The following SLC4A4 variants were observed in gnomAD, a reference collection of about 807,000 sequenced individuals.
SLC4A4 encodes the protein electrogenic sodium bicarbonate cotransporter 1.
SLC4A4 carries 27 observed loss-of-function variants against 111.5 expected under a neutral mutation model. The ratio of observed to expected loss-of-function variants is 0.24; its 90% CI spans 0.18 to 0.33. The LOEUF (loss-of-function observed/expected upper bound fraction) is 0.33. Among genes scored for constraint, SLC4A4 ranks in the 10% least tolerant of loss-of-function variants. SLC4A4 has a pLI of 1.00. For synonymous variants in SLC4A4, 443 were observed against 463.4 expected (o/e 0.96, Z 0.57); for missense variants, 909 against 1,315.5 (o/e 0.69, Z 4.78).
intron 14 of SLC4A4, among the ~76,000 whole-genome samples, chr4:71,474,863 T>A (rs759310160): frequency 3.3e-5 from 5 of 151,786 alleles, no homozygotes; most frequent in African/African-American, 4.8e-5. Context: ...ATATGTGTCA[T>A]TCAACCCATG....
chr4:71,328,973 C>A (rs1727726772), intron 3 of SLC4A4, among the ~76,000 whole-genome samples: 1 of 152,086 alleles, frequency 6.6e-6, no homozygotes, highest in Non-Finnish European at 1.5e-5. Context: ...AGTCTTTAAT[C>A]CATTTTGATT....
chr4:71,222,087 T>C (rs1321727624), intron 1 of SLC4A4, among the ~76,000 whole-genome samples: 2 of 152,202 alleles, frequency 1.3e-5, no homozygotes, highest in African/African-American at 4.8e-5. Flanking sequence ...GCTTAGACCA[T>C]CCAGTGGCTT....
intron 1 of SLC4A4, among the ~76,000 whole-genome samples, chr4:71,086,666 A>G (rs1255698995): frequency 2.0e-5 from 3 of 151,860 alleles, no homozygotes; most frequent in African/African-American, 4.8e-5. Context: ...AGATAATCGT[A>G]TGGTTTTTGT....
chr4:71,197,556 G>A (rs1229135795), intron 1 of SLC4A4, among the ~76,000 whole-genome samples: 1 of 152,130 alleles, frequency 6.6e-6, no homozygotes, highest in Non-Finnish European at 1.5e-5. Context: ...CAAAAATACA[G>A]TGCAGAGAGT....
chr4:71,526,984 A>G (rs967671403), intron 16 of SLC4A4, among the ~76,000 whole-genome samples: 6 of 151,962 alleles, frequency 3.9e-5, no homozygotes, highest in Non-Finnish European at 5.9e-5. Context: ...CATTGGACCC[A>G]CCTGTTTAAT....
At chr4:71,529,535 G>A (rs1476650545) in intron 16 of SLC4A4, among the ~76,000 whole-genome samples, 2 of 152,022 alleles carry the variant, frequency 1.3e-5, no homozygotes, top group Non-Finnish European at 2.9e-5. Flanking sequence ...TTTGCAGGGC[G>A]TCCAGTTTAT....
chr4:71,069,715 G>T (rs1022084631), intron 1 of SLC4A4, among the ~76,000 whole-genome samples: 4 of 152,064 alleles, frequency 2.6e-5, no homozygotes, highest in Admixed American at 6.6e-5. Context: ...AACCCCAAAA[G>T]CACTGGTTGA....
chr4:71,281,588 G>T (rs1723521123), intron 3 of SLC4A4, among the ~76,000 whole-genome samples: 1 of 152,114 alleles, frequency 6.6e-6, no homozygotes. Context: ...ACTCTGGTTT[G>T]ATCTTCATTT....
intron 2 of SLC4A4, among the ~76,000 whole-genome samples, chr4:71,093,101 A>G (rs1742433237): frequency 6.6e-6 from 1 of 151,950 alleles, no homozygotes; most frequent in African/African-American, 2.4e-5. Context: ...TCTCAAAAAT[A>G]AAAATAAAAT....
At chr4:71,100,350 A>G (rs1742689574) in intron 2 of SLC4A4, among the ~76,000 whole-genome samples, 1 of 151,930 alleles carries the variant, frequency 6.6e-6, no homozygotes, top group African/African-American at 2.4e-5. Context: ...AAAGACAAAA[A>G]AAAAACACAT....
intron 2 of SLC4A4, among the ~76,000 whole-genome samples, chr4:71,142,488 C>A (rs1056630852): frequency 6.6e-6 from 1 of 152,096 alleles, no homozygotes; most frequent in Admixed American, 6.5e-5. Context: ...CTCAGTGATG[C>A]TACCTTAAAT....
At chr4:71,529,569 A>G (rs1430095583) in intron 16 of SLC4A4, among the ~76,000 whole-genome samples, 1 of 152,042 alleles carries the variant, frequency 6.6e-6, no homozygotes, top group Non-Finnish European at 1.5e-5. Context: ...TGCCTCCTCT[A>G]CCAACTAAAG....
At chr4:71,105,518 A>G (rs1257822513) in intron 2 of SLC4A4, among the ~76,000 whole-genome samples, 1 of 151,236 alleles carries the variant, frequency 6.6e-6, no homozygotes, top group Non-Finnish European at 1.5e-5. Flanking sequence ...CTGACTTGAA[A>G]CTATACTACA....
intron 2 of SLC4A4, among the ~76,000 whole-genome samples, chr4:71,131,939 TA>T (rs1743717838): frequency 6.6e-6 from 1 of 152,158 alleles, no homozygotes; most frequent in Non-Finnish European, 1.5e-5. Flanking sequence ...TAATTATTAT[TA>T]TTATTTTTTT....
At chr4:71,474,498 G>A (rs1230599361) in intron 14 of SLC4A4, among the ~76,000 whole-genome samples, 1 of 151,738 alleles carries the variant, frequency 6.6e-6, no homozygotes, top group Non-Finnish European at 1.5e-5. Flanking sequence ...TAGATATTTT[G>A]GTATGCAATG....
intron 4 of SLC4A4, among the ~76,000 whole-genome samples, chr4:71,346,228 A>G (rs1729316989): frequency 6.6e-6 from 1 of 152,044 alleles, no homozygotes; most frequent in Non-Finnish European, 1.5e-5. Context: ...AAAGTATTTT[A>G]TCATTATTCT....
chr4:71,501,069 A>G (rs1205378970), intron 16 of SLC4A4, among the ~76,000 whole-genome samples: 1 of 152,166 alleles, frequency 6.6e-6, no homozygotes, highest in Non-Finnish European at 1.5e-5. Flanking sequence ...TAATAATACC[A>G]ATTCTTCAAA....
chr4:71,457,115 T>C (rs1260756382), intron 12 of SLC4A4, among the ~76,000 whole-genome samples: 1 of 152,300 alleles, frequency 6.6e-6, no homozygotes, highest in South Asian at 2.1e-4. Context: ...ATGGCTGTTG[T>C]CTAAGCAAAC....
intron 6 of SLC4A4, among the ~76,000 whole-genome samples, chr4:71,381,303 C>T (rs1249093036): frequency 1.3e-5 from 2 of 152,178 alleles, no homozygotes; most frequent in Admixed American, 1.3e-4. Context: ...CTGTAGGTTT[C>T]AAGGTTGAAT....
Sources: allele counts gnomAD v4.1 joint callset (sites outside exome capture counted in the v4.1 genomes callset), GRCh38; gene constraint gnomAD v4.1.1; transcripts MANE v1.5; gene names NCBI Gene and HGNC (gene_info 2026-07-23, HGNC 2026-07-21).